Variants in SLIT2 observed in about 807,000 individuals in gnomAD.
The protein encoded by SLIT2 is slit homolog 2 protein.
In SLIT2, 41 loss-of-function variants were observed where a neutral mutation model predicts 185.7. That is an observed-to-expected ratio of 0.22 (90% CI 0.17 to 0.29). The LOEUF (loss-of-function observed/expected upper bound fraction) is 0.29. Ranked by LOEUF, SLIT2 falls within the 10% of genes least tolerant of loss-of-function variation. SLIT2 has a pLI of 1.00. For missense variants in SLIT2, 1,571 were observed against 1,909.0 expected (o/e 0.82, Z 3.30); for synonymous variants, 693 against 680.2 (o/e 1.02, Z -0.29).
At chr4:20,513,033 A>G (rs545785192) in intron 11 of SLIT2, among the ~76,000 whole-genome samples, 1 of 152,234 alleles carries the variant, frequency 6.6e-6, no homozygotes, top group Non-Finnish European at 1.5e-5. Context: ...ATGTAATCTA[A>G]TAAACAATAA....
Position 20,376,115 on chromosome 4 carries a change from CTTT to C in SLIT2, c.396-91613_396-91611del, listed in dbSNP as rs71653881. ...CAATGAGAAGAATATCATTGTTTAA[CTTT>C]TTTTTTTTTTTTTTTTTTTTTTTAC... On this transcript the variant is annotated intron_variant, in intron 4 of 36. Coordinates refer to ENST00000504154, the MANE Select transcript of SLIT2 (RefSeq NM_004787.4). Among the ~76,000 whole-genome samples the C allele has an allele frequency of 1.1e-3, 91 of 79,664 alleles. 1 individual carries two copies. Among genetic ancestry groups the C allele is most frequent in the African/African-American group, 4.0e-3 (76 of 18,790 alleles). 52.3% of individuals were successfully genotyped at this position (79,664 alleles called of 152,430 possible). A position where few individuals can be genotyped will look rare whatever the true frequency, so the allele number is the denominator to read the frequency against.
chr4:20,275,582 T>C (rs895387496), intron 4 of SLIT2, among the ~76,000 whole-genome samples: 13 of 152,168 alleles, frequency 8.5e-5, no homozygotes, highest in Non-Finnish European at 4.4e-5. Flanking sequence ...TTATCCTTAC[T>C]GTAGTAACAC....
intron 5 of SLIT2, among the ~76,000 whole-genome samples, chr4:20,473,934 C>G (rs1026199951): frequency 2.0e-5 from 3 of 151,944 alleles, no homozygotes; most frequent in Non-Finnish European, 4.4e-5. Context: ...CTGTTTAGTT[C>G]ATTGGATTTT....
At position 20,310,669 on chromosome 4, in the gene SLIT2, C is replaced by G. The variant is rs534769930; in HGVS notation, c.395+41788C>G. Among the ~76,000 whole-genome samples, 4 of 152,260 alleles carry G rather than the reference C, an allele frequency of 2.6e-5. No individual in the cohort carries two copies. In the South Asian group the frequency reaches 6.2e-4, roughly 24 times the overall value. Reference sequence around the variant, plus strand: ...ACTTTGCCCCAATTGCTGCAGAGTGCTCTATCCTAAACCCACGCCCCTGCA... The same window carrying G: ...ACTTTGCCCCAATTGCTGCAGAGTGGTCTATCCTAAACCCACGCCCCTGCA... On this transcript the variant is annotated intron_variant, in intron 4 of 36. Coordinates refer to ENST00000504154, the MANE Select transcript of SLIT2 (RefSeq NM_004787.4).
chr4:20,252,740 C>A lies in SLIT2; in HGVS notation c.-1076C>A, dbSNP rs866219195. The stretch of plus-strand genomic sequence containing the variant: ...CCATTCAGCTGCCGCCTGGCTCTGC[C>A]TGGAGTAGTGGATCCCACCCGCCCA... On this transcript the variant is annotated 5_prime_UTR_variant, in exon 1 of 37. In the 5' UTR this introduces an upstream ATG that the reference lacks. Transcript: ENST00000504154. Among the ~76,000 whole-genome samples, 5 of 152,258 alleles carry A rather than the reference C, an allele frequency of 3.3e-5. No homozygotes were observed. Among genetic ancestry groups the A allele is most frequent in the African/African-American group, 1.2e-4 (5 of 41,472 alleles).
At position 20,550,868 on chromosome 4, in the gene SLIT2, C is replaced by A. The variant is rs76692840; in HGVS notation, c.2531C>A (p.Ala844Asp). The A allele has an allele frequency of 1.2e-6, 2 of 1,608,092 alleles. No homozygotes were observed. Among genetic ancestry groups the A allele is most frequent in the Non-Finnish European group, 1.7e-6 (2 of 1,175,558 alleles). ...GACATTTCTGTTGTGCCTGAAGGTG[C>A]TTTCAATGATCTTTCTGCATTATCA... ...GNDISVVPEG[A>D]FNDLSALSHL... Residue 844 changes from alanine to aspartate, a missense_variant, in exon 25 of 37, where the codon GCT becomes GAT. Around this residue, in one of 3 missense-constraint regions of SLIT2, gnomAD observed 1,202 missense variants for 1,416.4 expected, o/e 0.85. Transcript: ENST00000504154.
chr4:20,480,788 G>GT lies in SLIT2; in HGVS notation c.539+2dup. 1 of 1,605,494 alleles carries GT rather than the reference G, an allele frequency of 6.2e-7. No homozygotes were observed. The highest frequency in any genetic ancestry group is 1.1e-5 in the South Asian group (1 of 90,914). ...GGGCTCTCCGGGACCTGGAAGTGCT[G>GT]TAAGTACTGCTATTTCTCTTGCTCT... is the stretch of plus-strand genomic sequence containing the variant. On this transcript the variant is annotated splice_donor_variant, in intron 6 of 36. Transcript: ENST00000504154. LOFTEE classifies it high-confidence loss of function.
intron 4 of SLIT2, among the ~76,000 whole-genome samples, chr4:20,334,224 G>A (rs969090151): frequency 6.6e-6 from 1 of 152,138 alleles, no homozygotes; most frequent in Non-Finnish European, 1.5e-5. Context: ...GTGGTAATAT[G>A]TAAGACTTTT....
intron 12 of SLIT2, 43 bp from the exon 13 acceptor site, chr4:20,523,717 A>C (rs769853056): frequency 6.3e-7 from 1 of 1,581,002 alleles, no homozygotes; most frequent in Non-Finnish European, 8.7e-7. Context: ...AGGTGAGTTA[A>C]TAAGATGCTA....
At chr4:20,410,497 G>A (rs867193533) in intron 4 of SLIT2, among the ~76,000 whole-genome samples, 3 of 151,084 alleles carry the variant, frequency 2.0e-5, no homozygotes, top group African/African-American at 4.9e-5. Flanking sequence ...TAGGTGATCC[G>A]CCCACCTCGG....
intron 4 of SLIT2, among the ~76,000 whole-genome samples, chr4:20,379,271 A>G (rs1269688743): frequency 6.6e-6 from 1 of 152,164 alleles, no homozygotes; most frequent in Non-Finnish European, 1.5e-5. Flanking sequence ...GGCAGGAGGT[A>G]TATGAGAACT....
chr4:20,475,708 C>A (rs1716023059), intron 5 of SLIT2, among the ~76,000 whole-genome samples: 1 of 152,036 alleles, frequency 6.6e-6, no homozygotes, highest in Non-Finnish European at 1.5e-5. Flanking sequence ...TAAACGTTAG[C>A]AATTATTATT....
intron 4 of SLIT2, among the ~76,000 whole-genome samples, chr4:20,453,740 A>G (rs1207236854): frequency 2.0e-5 from 3 of 152,228 alleles, no homozygotes; most frequent in Non-Finnish European, 4.4e-5. Flanking sequence ...AATATGCAGT[A>G]TTGCACACAG....
At position 20,267,537 on chromosome 4, in the gene SLIT2, T is replaced by TC. The variant is rs1713160121; in HGVS notation, c.324-1273_324-1272insC. ...GGTCTCGCTTCTCACTTACAGGATT[T>TC]TAAAAAATTATATCATTTTCCAAAA... On this transcript the variant is annotated intron_variant, in intron 3 of 36. Transcript: ENST00000504154. Among the ~76,000 whole-genome samples, 3 of 152,022 alleles carry TC rather than the reference T, an allele frequency of 2.0e-5. No homozygotes were observed. The South Asian group carries it at 6.2e-4, about 32-fold the overall frequency.
chr4:20,322,806 G>A (rs752351203), intron 4 of SLIT2, among the ~76,000 whole-genome samples: 2 of 152,098 alleles, frequency 1.3e-5, no homozygotes, highest in Non-Finnish European at 2.9e-5. Context: ...TTTCGGTGAT[G>A]AATTTCAGGA....
chr4:20,417,385 C>T (rs1237419182), intron 4 of SLIT2, among the ~76,000 whole-genome samples: 2 of 148,658 alleles, frequency 1.3e-5, no homozygotes, highest in East Asian at 3.9e-4. Flanking sequence ...CTAGCTTCTA[C>T]TTCAGGACTT....
At chr4:20,328,982 A>C (rs1026874554) in intron 4 of SLIT2, among the ~76,000 whole-genome samples, 6 of 152,058 alleles carry the variant, frequency 3.9e-5, no homozygotes, top group Admixed American at 6.6e-5. Context: ...CAGAGATATT[A>C]ATTCATGGTG....
chr4:20,554,592 G>T (rs1324569972), intron 26 of SLIT2, among the ~76,000 whole-genome samples: 1 of 152,068 alleles, frequency 6.6e-6, no homozygotes, highest in African/African-American at 2.4e-5. Context: ...TCTGCAAGAA[G>T]AAATAAAATT....
chr4:20,472,446 CTA>C (rs1326200726), intron 5 of SLIT2, among the ~76,000 whole-genome samples: 1 of 51,172 alleles, frequency 2.0e-5, no homozygotes, highest in Non-Finnish European at 3.5e-5. Flanking sequence ...AGATATATAT[CTA>C]TATAGATATA....
Sources: allele counts gnomAD v4.1 joint callset (sites outside exome capture counted in the v4.1 genomes callset), GRCh38; gene constraint gnomAD v4.1.1; regional missense constraint gnomAD v4.1.1; transcripts MANE v1.5; gene names NCBI Gene and HGNC (gene_info 2026-07-23, HGNC 2026-07-21).